Variants in ACOX3 observed in about 807,000 individuals in gnomAD.
The protein encoded by ACOX3 is peroxisomal acyl-coenzyme A oxidase 3.
A neutral mutation model predicts 81.5 loss-of-function variants in ACOX3; 73 were observed. The observed-to-expected ratio is 0.90, with a 90% confidence interval of 0.74 to 1.09. The LOEUF (loss-of-function observed/expected upper bound fraction) is 1.09, where lower values mean the gene tolerates loss of function less well. ACOX3 is among the 50% of genes least tolerant of loss of function. The pLI, the probability that ACOX3 is intolerant of heterozygous loss-of-function variation, is 0.00. For synonymous variants in ACOX3, 387 were observed against 375.1 expected (o/e 1.03, Z -0.37); for missense variants, 947 against 928.0 (o/e 1.02, Z -0.27).
chr4:8,382,152 T>A lies in ACOX3; in HGVS notation c.1538-545A>T, dbSNP rs2108826655. On this transcript the variant is annotated intron_variant, in intron 13 of 17. Coordinates refer to ENST00000356406, the MANE Select transcript of ACOX3 (RefSeq NM_003501.3). This position sits in a 1 kb window ranked among gnomAD's most constrained non-coding sequence, Gnocchi z 4.1. ...GTGGGGGAGGGGGGAACCTAAGGCC[T>A]CACCCCCTGCGTGGCCCCTTCCACA... 6.6e-6 allele frequency among the ~76,000 whole-genome samples: 1 copy of A among 152,230 alleles called. No homozygotes were observed. The highest frequency in any genetic ancestry group is 3.4e-3 in the Middle Eastern group (1 of 294).
chr4:8,407,086 C>A lies in ACOX3; in HGVS notation c.688-1043G>T, dbSNP rs951674556. On this transcript the variant is annotated intron_variant, in intron 6 of 17. Transcript: ENST00000356406. The surrounding 1 kb of genome is among the most constrained non-coding windows in gnomAD (Gnocchi z 4.6). ...GTCTTCCCAGATGCTGGCATCACTG[C>A]TAGACCAAGGAGCCCTCTGGTGGCC... Among the ~76,000 whole-genome samples, 3 of 152,196 alleles carry A rather than the reference C, an allele frequency of 2.0e-5. No individual in the cohort carries two copies. Among genetic ancestry groups the A allele is most frequent in the African/African-American group, 7.2e-5 (3 of 41,452 alleles).
rs778401352 is a variant in ACOX3 at position 8,389,335 on chromosome 4, AT to A, written c.1424-50del. 3 of 1,551,220 alleles carry A rather than the reference AT, an allele frequency of 1.9e-6. No individual in the cohort carries two copies. The South Asian group carries it at 3.4e-5, about 18-fold the overall frequency. Reference sequence around the variant, plus strand: ...TTGGTGGAAGACAGGAACCCAAACCATTGGGAACCCCAAGCTGGGGGCACCC... The same window carrying A: ...TTGGTGGAAGACAGGAACCCAAACCATGGGAACCCCAAGCTGGGGGCACCC... On this transcript the variant is annotated intron_variant, in intron 12 of 17. Coordinates refer to ENST00000356406, the MANE Select transcript of ACOX3 (RefSeq NM_003501.3). The surrounding 1 kb of genome is among the most constrained non-coding windows in gnomAD (Gnocchi z 5.3).
intron 10 of ACOX3, among the ~76,000 whole-genome samples, chr4:8,393,657 A>G (rs185976710): frequency 6.8e-6 from 1 of 147,028 alleles, no homozygotes; most frequent in East Asian, 2.0e-4. Context: ...ACACACACAC[A>G]CACGCATGCT....
chr4:8,359,101 C>T, the ACOX3 span, among the ~76,000 whole-genome samples: 5 of 152,034 alleles, frequency 3.3e-5, no homozygotes, highest in South Asian at 2.1e-4. This position sits in a 1 kb window ranked among gnomAD's most constrained non-coding sequence, Gnocchi z 6.0. Flanking sequence ...ATCTTTCTGG[C>T]GACCACAGAA....
intron 3 of ACOX3, 138 bp from the exon 4 acceptor site, chr4:8,415,066 G>A: frequency 1.2e-6 from 1 of 826,476 alleles, no homozygotes; most frequent in South Asian, 1.5e-5. Flanking sequence ...CCAAGGTGGA[G>A]AACAAGTGCT....
intron 1 of ACOX3, among the ~76,000 whole-genome samples, chr4:8,422,463 C>G (rs1420402094): frequency 6.6e-6 from 1 of 152,210 alleles, no homozygotes; most frequent in Non-Finnish European, 1.5e-5. Flanking sequence ...CATAGAAACT[C>G]TAATGAACTT....
At chr4:8,435,097 C>G (rs890095513) in intron 1 of ACOX3, among the ~76,000 whole-genome samples, 2 of 152,190 alleles carry the variant, frequency 1.3e-5, no homozygotes, top group East Asian at 1.9e-4. Flanking sequence ...ATCATCAAAA[C>G]TTACTCTATT....
rs1007868084 is a variant in ACOX3, at chr4:8,396,818, C to T, written c.1056+119G>A. On this transcript the variant is annotated intron_variant, in intron 9 of 17. Transcript: ENST00000356406. ...TGCCGCACTCCCGCTAACTAATCAT[C>T]CTGTTAATTGCCTTAAGAGCTTTGA... 3.4e-6 allele frequency: 4 copies of T among 1,193,618 alleles called. No individual in the cohort carries two copies. In the African/African-American group the frequency reaches 6.4e-5, roughly 19 times the overall value. 73.9% of individuals were successfully genotyped at this position (1,193,618 alleles called of 1,614,324 possible). A position where few individuals can be genotyped will look rare whatever the true frequency, so the allele number is the denominator to read the frequency against.
chr4:8,438,534 G>T (rs1428374861), intron 1 of ACOX3, among the ~76,000 whole-genome samples: 1 of 151,884 alleles, frequency 6.6e-6, no homozygotes, highest in Non-Finnish European at 1.5e-5. Context: ...CCAAATCACA[G>T]GTCAAATTAA....
At chr4:8,373,286 G>A (rs1405723178) in intron 16 of ACOX3, among the ~76,000 whole-genome samples, 1 of 152,088 alleles carries the variant, frequency 6.6e-6, no homozygotes, top group Non-Finnish European at 1.5e-5. Flanking sequence ...ACTAAACACT[G>A]AACACACGTG....
chr4:8,394,895 A>G lies in ACOX3; in HGVS notation c.1057-153T>C. The G allele has an allele frequency of 1.9e-6, 2 of 1,057,016 alleles. No homozygotes were observed. The highest frequency in any genetic ancestry group is 3.2e-4 in the Middle Eastern group (1 of 3,130). The allele number at this position is 1,057,016 out of a possible 1,614,324, so 65.5% of individuals were successfully genotyped here. On this transcript the variant is annotated intron_variant, in intron 9 of 17. Coordinates refer to ENST00000356406, the MANE Select transcript of ACOX3 (RefSeq NM_003501.3). This position sits in a 1 kb window ranked among gnomAD's most constrained non-coding sequence, Gnocchi z 5.9. ...TCACATGTCTTCCCGGCACATCAGA[A>G]AGCCTTCACCCTGACACGCTCTCAA...
chr4:8,406,003 A>G lies in ACOX3; in HGVS notation c.728T>C (p.Met243Thr), dbSNP rs144647716. Residue 243 changes from methionine (M) to threonine (T), a missense_variant, in exon 7 of 18, where the codon ATG becomes ACG. Physicochemically the swap from Met to Thr is moderately conservative, Grantham distance 81 (BLOSUM62 -1). Coordinates refer to ENST00000356406, the MANE Select transcript of ACOX3 (RefSeq NM_003501.3). The surrounding 1 kb of genome is among the most constrained non-coding windows in gnomAD (Gnocchi z 5.6). ...PKTLLPMPGV[M>T]VGDIGKKLGQ... Reference sequence around the variant, plus strand: ...GAGTTTTTTTCCTATGTCGCCAACCATCACTCCAGGCATGGGAAGAAGGGT... The same window carrying G: ...GAGTTTTTTTCCTATGTCGCCAACCGTCACTCCAGGCATGGGAAGAAGGGT... 24 of 1,614,178 alleles carry G rather than the reference A, an allele frequency of 1.5e-5. No individual in the cohort carries two copies. In the African/African-American group the frequency reaches 2.1e-4, roughly 14 times the overall value.
At chr4:8,359,222 C>T in the ACOX3 span, among the ~76,000 whole-genome samples, 3 of 152,318 alleles carry the variant, frequency 2.0e-5, 1 homozygote, top group South Asian at 6.2e-4. This position sits in a 1 kb window ranked among gnomAD's most constrained non-coding sequence, Gnocchi z 6.0. Flanking sequence ...GGAGACCCCT[C>T]AACCCAAAAG....
chr4:8,384,074 G>C lies in ACOX3; in HGVS notation c.1538-2467C>G, dbSNP rs1296626234. ...ACTGCCCCAGGAGGTGTCCCTCTGC[G>C]GTGGACACTTCACGGCAGTTACCCG... On this transcript the variant is annotated intron_variant, in intron 13 of 17. Transcript: ENST00000356406. The surrounding 1 kb of genome is among the most constrained non-coding windows in gnomAD (Gnocchi z 5.3). Among the ~76,000 whole-genome samples, 1 of 152,154 alleles carries C rather than the reference G, an allele frequency of 6.6e-6. No individual in the cohort carries two copies. Among genetic ancestry groups the C allele is most frequent in the African/African-American group, 2.4e-5 (1 of 41,438 alleles).
chr4:8,395,110 A>C (rs1218466900), intron 9 of ACOX3, among the ~76,000 whole-genome samples: 2 of 152,152 alleles, frequency 1.3e-5, no homozygotes, highest in Non-Finnish European at 2.9e-5. Context: ...TGACAGCATG[A>C]GCCTGTGAGG....
At chr4:8,436,853 G>C (rs1260742895) in intron 1 of ACOX3, among the ~76,000 whole-genome samples, 1 of 149,250 alleles carries the variant, frequency 6.7e-6, no homozygotes, top group Non-Finnish European at 1.5e-5. Context: ...TTAGCTGGGC[G>C]TGGTGGCGGG....
intron 1 of ACOX3, among the ~76,000 whole-genome samples, chr4:8,425,088 C>T (rs184822920): frequency 9.5e-4 from 145 of 152,234 alleles, no homozygotes; most frequent in Admixed American, 7.8e-3. Flanking sequence ...TCCTAACTTC[C>T]GAGGGAACAC....
At chr4:8,379,478 A>G (rs767560970) in intron 14 of ACOX3, among the ~76,000 whole-genome samples, 1 of 152,224 alleles carries the variant, frequency 6.6e-6, no homozygotes, top group Non-Finnish European at 1.5e-5. Context: ...TCACCGTCTC[A>G]GCCGGATCAG....
At chr4:8,356,707 C>T in the ACOX3 span, 1 of 455,690 alleles carries the variant, frequency 2.2e-6, no homozygotes, top group African/African-American at 2.0e-5. Flanking sequence ...CAGAACTGTG[C>T]ACGCTAACAT....
Sources: gnomAD v4.1 joint callset for allele counts (sites outside exome capture counted in the v4.1 genomes callset) on GRCh38, gnomAD v4.1.1 for gene constraint, Gnocchi (gnomAD v3.1) non-coding constraint, MANE v1.5 for transcripts, NCBI Gene and HGNC (gene_info 2026-07-23, HGNC 2026-07-21) for gene names.